Variants in ARHGAP10 observed in about 807,000 individuals in gnomAD.
ARHGAP10 encodes Rho GTPase activating protein 10.
In ARHGAP10, 87 loss-of-function variants were observed where a neutral mutation model predicts 108.6. The ratio of observed to expected loss-of-function variants is 0.80; its 90% CI spans 0.67 to 0.96. The LOEUF (loss-of-function observed/expected upper bound fraction) is 0.96. Among genes scored for constraint, ARHGAP10 ranks in the 40% least tolerant of loss-of-function variants. ARHGAP10 has a pLI of 0.00. For missense variants in ARHGAP10, 939 were observed against 954.5 expected (o/e 0.98, Z 0.21); for synonymous variants, 347 against 341.1 (o/e 1.02, Z -0.19).
chr4:148,059,972 T>G lies in ARHGAP10; in HGVS notation c.2028-3176T>G, dbSNP rs1260943886. ...TTTTATGATGGGTAAAGCCCACTCTTTGAGAGAGAGAGAGAGAGAGAGGGG... is the reference window on the plus strand; with the variant it reads ...TTTTATGATGGGTAAAGCCCACTCTGTGAGAGAGAGAGAGAGAGAGAGGGG... On this transcript the variant is annotated intron_variant, in intron 20 of 22. Transcript: ENST00000336498. Among the ~76,000 whole-genome samples the G allele has an allele frequency of 7.0e-5, 7 of 100,434 alleles. No individual in the cohort carries two copies. In the East Asian group the frequency reaches 2.2e-3, roughly 31 times the overall value. 65.9% of individuals were successfully genotyped at this position (100,434 alleles called of 152,430 possible).
intron 18 of ARHGAP10, among the ~76,000 whole-genome samples, chr4:147,969,540 A>G (rs1040663918): frequency 4.6e-5 from 7 of 152,314 alleles, no homozygotes. Context: ...AATCCTAATT[A>G]GGAAACCTTT....
chr4:147,740,106 T>C (rs7684897), intron 1 of ARHGAP10, among the ~76,000 whole-genome samples: 14,898 of 147,756 alleles, frequency 0.1, 1,767 homozygotes, highest in African/African-American at 0.29. Context: ...TGGAGTGCAG[T>C]GGTGTGATCT....
intron 14 of ARHGAP10, among the ~76,000 whole-genome samples, chr4:147,942,922 TC>T (rs1340759829): frequency 6.6e-6 from 1 of 152,238 alleles, no homozygotes; most frequent in Non-Finnish European, 1.5e-5. Context: ...GCCTTTTTCT[TC>T]CCCTTTGCAG....
chr4:148,043,163 A>T (rs998526916), intron 19 of ARHGAP10, among the ~76,000 whole-genome samples: 1 of 152,216 alleles, frequency 6.6e-6, no homozygotes, highest in African/African-American at 2.4e-5. Context: ...GGAGAAAAGA[A>T]TCAGGAGAGG....
At chr4:147,895,709 A>C in intron 10 of ARHGAP10, among the ~76,000 whole-genome samples, 1 of 150,704 alleles carries the variant, frequency 6.6e-6, no homozygotes, top group Non-Finnish European at 1.5e-5. Flanking sequence ...AGACAGCTTT[A>C]TTTCTTCCTT....
At position 148,042,143 on chromosome 4, in the gene ARHGAP10, GT is replaced by G. The variant is rs899858522; in HGVS notation, c.1868-4742del. Among the ~76,000 whole-genome samples, 23 of 152,218 alleles carry G rather than the reference GT, an allele frequency of 1.5e-4. No individual in the cohort carries two copies. In the East Asian group the frequency reaches 2.9e-3, roughly 19 times the overall value. ...ATCTCCCTCACCCAGTATGCTCCTT[GT>G]TTTTTTATTCCCTATTTCAGTTAAT... On this transcript the variant is annotated intron_variant, in intron 19 of 22. Coordinates refer to ENST00000336498, the MANE Select transcript of ARHGAP10 (RefSeq NM_024605.4).
chr4:147,788,276 C>T (rs1730976225), intron 1 of ARHGAP10, among the ~76,000 whole-genome samples: 1 of 151,866 alleles, frequency 6.6e-6, no homozygotes, highest in African/African-American at 2.4e-5. Context: ...GAAACCCTGT[C>T]TCTATTAAAA....
chr4:147,800,143 G>A (rs1388530668), intron 1 of ARHGAP10, among the ~76,000 whole-genome samples: 1 of 152,190 alleles, frequency 6.6e-6, no homozygotes, highest in Non-Finnish European at 1.5e-5. Flanking sequence ...GGAGGCAGAA[G>A]GGATTTCCCT....
At chr4:148,003,829 A>G (rs1031764644) in intron 18 of ARHGAP10, among the ~76,000 whole-genome samples, 3 of 152,178 alleles carry the variant, frequency 2.0e-5, no homozygotes, top group Non-Finnish European at 2.9e-5. Flanking sequence ...GGGTTTCCTG[A>G]ATACAGCACA....
chr4:147,863,231 C>T (rs903457005), intron 5 of ARHGAP10: 4 of 152,212 alleles, frequency 2.6e-5, no homozygotes, highest in African/African-American at 9.6e-5. Context: ...CAGCTCTGTA[C>T]CTATTAACAA....
chr4:147,904,005 A>G (rs972985638), intron 10 of ARHGAP10, among the ~76,000 whole-genome samples: 1 of 152,204 alleles, frequency 6.6e-6, no homozygotes. Flanking sequence ...TGTGTCCTAC[A>G]GTAAAAATGT....
At chr4:147,996,698 A>G (rs1447691945) in intron 18 of ARHGAP10, among the ~76,000 whole-genome samples, 3 of 152,216 alleles carry the variant, frequency 2.0e-5, no homozygotes, top group East Asian at 1.9e-4. Flanking sequence ...ACCCCTCCCA[A>G]AATTCATATG....
chr4:147,812,898 C>G (rs1470561488), intron 1 of ARHGAP10, among the ~76,000 whole-genome samples: 1 of 152,178 alleles, frequency 6.6e-6, no homozygotes, highest in Non-Finnish European at 1.5e-5. Flanking sequence ...TGCACTAGTA[C>G]ATGCAGAGTA....
intron 5 of ARHGAP10, chr4:147,861,773 C>T (rs897682900): frequency 6.6e-6 from 1 of 152,348 alleles, no homozygotes; most frequent in Admixed American, 6.5e-5. Context: ...CTCCTTCCAA[C>T]AGCTGGTAGT....
intron 1 of ARHGAP10, among the ~76,000 whole-genome samples, chr4:147,805,464 G>A (rs1731744800): frequency 6.6e-6 from 1 of 152,000 alleles, no homozygotes; most frequent in African/African-American, 2.4e-5. Context: ...GCTCTTTTTT[G>A]GTTCCATGTG....
At chr4:147,909,707 C>A (rs751215141) in intron 11 of ARHGAP10, 25 bp from the exon 12 acceptor site, 5 of 1,596,898 alleles carry the variant, frequency 3.1e-6, no homozygotes, top group Non-Finnish European at 3.4e-6. Flanking sequence ...TTAAAAAATT[C>A]TGTTTTTCCA....
chr4:147,888,732 A>G (rs1395056112), intron 10 of ARHGAP10, among the ~76,000 whole-genome samples: 1 of 152,174 alleles, frequency 6.6e-6, no homozygotes, highest in Non-Finnish European at 1.5e-5. Context: ...ACCAGTAGAT[A>G]CTGTTTGGGG....
chr4:147,827,177 A>T (rs1463996475), intron 3 of ARHGAP10, among the ~76,000 whole-genome samples: 82 of 143,728 alleles, frequency 5.7e-4, no homozygotes, highest in Non-Finnish European at 5.7e-4. Flanking sequence ...GTCACTGATC[A>T]CTTTTTTTTT....
intron 19 of ARHGAP10, among the ~76,000 whole-genome samples, chr4:148,043,996 C>A (rs1728767929): frequency 6.6e-6 from 1 of 151,880 alleles, no homozygotes; most frequent in African/African-American, 2.4e-5. Context: ...CATTCCTGAA[C>A]AGTGAAGGAG....
Sources: gnomAD v4.1 joint callset for allele counts (sites outside exome capture counted in the v4.1 genomes callset) on GRCh38, gnomAD v4.1.1 for gene constraint, MANE v1.5 for transcripts, NCBI Gene and HGNC (gene_info 2026-07-23, HGNC 2026-07-21) for gene names.